AFG3L2: variants seen among roughly 807,000 people sequenced by gnomAD.
AFG3L2 encodes mitochondrial inner membrane m-AAA protease component AFG3L2.
AFG3L2 carries 54 observed loss-of-function variants against 94.5 expected under a neutral mutation model. That is an observed-to-expected ratio of 0.57 (90% CI 0.46 to 0.72). AFG3L2 has a LOEUF of 0.72. Ranked by LOEUF, AFG3L2 falls within the 30% of genes least tolerant of loss-of-function variation. The pLI, the probability that AFG3L2 is intolerant of heterozygous loss-of-function variation, is 0.00. For missense variants in AFG3L2, 754 were observed against 994.9 expected (o/e 0.76, Z 3.26); for synonymous variants, 377 against 365.5 (o/e 1.03, Z -0.36).
intron 5 of AFG3L2, 27 bp from the exon 6 acceptor site, chr18:12,363,883 A>G: frequency 4.0e-6 from 6 of 1,516,634 alleles, no homozygotes; most frequent in Admixed American, 3.3e-5. Context: ...AAATTCACAC[A>G]TAAATTCACA....
intron 6 of AFG3L2, among the ~76,000 whole-genome samples, chr18:12,363,467 T>C (rs1009476453): frequency 5.9e-5 from 9 of 152,202 alleles, no homozygotes; most frequent in Non-Finnish European, 1.5e-5. Flanking sequence ...CCTAATCAAA[T>C]AACTACTTCT....
intron 5 of AFG3L2, among the ~76,000 whole-genome samples, chr18:12,366,290 C>T (rs1361409034): frequency 6.6e-6 from 1 of 152,162 alleles, no homozygotes; most frequent in East Asian, 1.9e-4. Context: ...TTTGTCTTAG[C>T]AACTTATAAA....
At chr18:12,341,976 C>T (rs1037751809) in intron 14 of AFG3L2, 3 of 152,304 alleles carry the variant, frequency 2.0e-5, no homozygotes, top group African/African-American at 7.2e-5. Context: ...CAGTGATTCT[C>T]CTGCCTCAGT....
Position 12,351,176 on chromosome 18 carries a change from G to A in AFG3L2, c.1461C>T (p.Phe487=), listed in dbSNP as rs779230346. 3.0e-5 allele frequency: 48 copies of A among 1,613,910 alleles called. No homozygotes were observed. The highest frequency in any genetic ancestry group is 3.8e-5 in the Non-Finnish European group (45 of 1,180,002). ...PPDIKGRASI[F]KVHLRPLKLD... ...GTTTTAGCGGTCGGAGATGAACTTT[G>A]AAAATAGAAGCTCTTCCTTTTATGT... Residue 487 remains phenylalanine, a synonymous_variant, in exon 12 of 17, where the codon TTC becomes TTT. Transcript: ENST00000269143.
intron 16 of AFG3L2, among the ~76,000 whole-genome samples, chr18:12,332,994 A>ACT (rs1907601497): frequency 1.2e-4 from 14 of 114,868 alleles, no homozygotes; most frequent in Non-Finnish European, 2.2e-4. Context: ...TATATTATAT[A>ACT]AATTATATAT....
rs1204871209 is a variant in AFG3L2, at chr18:12,333,018, TTAA to T, written c.2176-3238_2176-3236del. Among the ~76,000 whole-genome samples, 390 of 79,704 alleles carry T rather than the reference TTAA, an allele frequency of 4.9e-3. 2 individuals are homozygous for T. The highest frequency in any genetic ancestry group is 0.013 in the Middle Eastern group (2 of 150). The allele number at this position is 79,704 out of a possible 152,430, so 52.3% of individuals were successfully genotyped here. A position where few individuals can be genotyped will look rare whatever the true frequency, so the allele number is the denominator to read the frequency against. On this transcript the variant is annotated intron_variant, in intron 16 of 16. Coordinates refer to ENST00000269143, the MANE Select transcript of AFG3L2 (RefSeq NM_006796.3). Reference sequence around the variant, plus strand: ...TAAATTATATATAATATAAAATATATTAATAATATATAAAAATATATAATCTAT... The same window carrying T: ...TAAATTATATATAATATAAAATATATTAATATATAAAAATATATAATCTAT...
At chr18:12,338,046 G>A (rs551828902) in intron 15 of AFG3L2, among the ~76,000 whole-genome samples, 1 of 152,006 alleles carries the variant, frequency 6.6e-6, no homozygotes, top group Admixed American at 6.6e-5. Flanking sequence ...CTGGGATTAC[G>A]GGCATGAGCC....
chr18:12,359,780 T>G (rs1414129789), intron 7 of AFG3L2, 147 bp downstream of exon 7: 9 of 1,011,008 alleles, frequency 8.9e-6, no homozygotes, highest in Non-Finnish European at 1.3e-5. Flanking sequence ...CAAAAACTAG[T>G]GAGTTACTAA....
At chr18:12,375,094 G>C (rs1909105287) in intron 1 of AFG3L2, among the ~76,000 whole-genome samples, 1 of 150,978 alleles carries the variant, frequency 6.6e-6, no homozygotes, top group South Asian at 2.1e-4. Context: ...AAAGGGATCA[G>C]AGCTTGGTAA....
At chr18:12,333,966 C>G (rs910656747) in intron 16 of AFG3L2, among the ~76,000 whole-genome samples, 1 of 152,194 alleles carries the variant, frequency 6.6e-6, no homozygotes, top group African/African-American at 2.4e-5. Context: ...AGCTTCTTCA[C>G]CTGAAACTGA....
Position 12,338,289 on chromosome 18 carries a change from T to C in AFG3L2, c.1981-754A>G, listed in dbSNP as rs529740654. ...TAGAGAAGCAGCAAGAAGCATCTGA[T>C]AGACCTGAAGAAACAAGAACCCCCA... is the stretch of plus-strand genomic sequence containing the variant. On this transcript the variant is annotated intron_variant, in intron 15 of 16. Coordinates refer to ENST00000269143, the MANE Select transcript of AFG3L2 (RefSeq NM_006796.3). Among the ~76,000 whole-genome samples, 88 of 152,250 alleles carry C rather than the reference T, an allele frequency of 5.8e-4. 1 individual carries two copies. In the South Asian group the frequency reaches 8.1e-3, roughly 14 times the overall value.
At chr18:12,353,514 C>CAAAAAAAAA (rs71172076) in intron 9 of AFG3L2, among the ~76,000 whole-genome samples, 7 of 81,050 alleles carry the variant, frequency 8.6e-5, no homozygotes, top group African/African-American at 1.9e-4. Context: ...AATTCTGTCT[C>CAAAAAAAAA]AAAAAAAAAA....
At position 12,370,836 on chromosome 18, in the gene AFG3L2, T is replaced by C; in HGVS notation, c.292+13A>G. ...AAAACACAAAATTCAAATATAATAT[T>C]GTCAAAAGGTACCTTTTTTCTCTCC... On this transcript the variant is annotated intron_variant, in intron 3 of 16. Coordinates refer to ENST00000269143, the MANE Select transcript of AFG3L2 (RefSeq NM_006796.3). 6.5e-7 allele frequency: 1 copy of C among 1,535,434 alleles called. No homozygotes were observed. Among genetic ancestry groups the C allele is most frequent in the Non-Finnish European group, 9.0e-7 (1 of 1,111,992 alleles).
rs757726488 is a variant in AFG3L2 at position 12,329,724 on chromosome 18, C to CAA, written c.2233_2234dup (p.Leu745PhefsTer97). The stretch of plus-strand genomic sequence containing the variant: ...ATTTTTCCGCAAATGGTCTGGGGCC[C>CAA]AAAAGTTCAACCATATCATTCTTAT... On this transcript the variant is annotated frameshift_variant, in exon 17 of 17. Coordinates refer to ENST00000269143, the MANE Select transcript of AFG3L2 (RefSeq NM_006796.3). LOFTEE classifies it high-confidence loss of function. 1 of 1,614,132 alleles carries CAA rather than the reference C, an allele frequency of 6.2e-7. No homozygotes were observed. The highest frequency in any genetic ancestry group is 1.1e-5 in the South Asian group (1 of 91,088).
chr18:12,348,410 C>T (rs762529281), intron 12 of AFG3L2, 27 bp from the exon 13 acceptor site: 1 of 1,591,312 alleles, frequency 6.3e-7, no homozygotes, highest in South Asian at 1.1e-5. Context: ...GAACAGCTTA[C>T]CCACCGAAAT....
In AFG3L2 at chr18:12,377,010, G is replaced by A; in HGVS notation, c.73C>T (p.Pro25Ser). Residue 25 changes from proline to serine, a missense_variant, in exon 1 of 17, where the codon CCT becomes TCT. This residue lies in a region of AFG3L2 where 236 missense variants were observed against 214.0 expected (regional missense o/e 1.10). Coordinates refer to ENST00000269143, the MANE Select transcript of AFG3L2 (RefSeq NM_006796.3). ...WPRGLQQLLV[P>S]GGVGPGEQPC... ...TGCTCGCCCGGGCCCACGCCGCCAG[G>A]CACGAGGAGCTGCTGTAGGCCGCGG... 1 of 1,461,578 alleles carries A rather than the reference G, an allele frequency of 6.8e-7. No homozygotes were observed. The highest frequency in any genetic ancestry group is 1.3e-5 in the South Asian group (1 of 76,436). 90.5% of individuals were successfully genotyped at this position (1,461,578 alleles called of 1,614,324 possible).
At chr18:12,368,049 C>A (rs1282910408) in intron 3 of AFG3L2, among the ~76,000 whole-genome samples, 1 of 152,110 alleles carries the variant, frequency 6.6e-6, no homozygotes, top group East Asian at 1.9e-4. Context: ...TGCCTGTAAT[C>A]CCAGCTACTA....
At chr18:12,375,288 A>C (rs1909114420) in intron 1 of AFG3L2, among the ~76,000 whole-genome samples, 2 of 135,228 alleles carry the variant, frequency 1.5e-5, no homozygotes, top group African/African-American at 5.8e-5. Context: ...AGAGTCCGTC[A>C]CCCACGCTGG....
chr18:12,335,085 A>C (rs1176031597), intron 16 of AFG3L2, among the ~76,000 whole-genome samples: 2 of 152,144 alleles, frequency 1.3e-5, no homozygotes, highest in African/African-American at 4.8e-5. Context: ...TTATCTCCCC[A>C]GGTGGCCTCC....
Sources: gnomAD v4.1 joint callset for allele counts (sites outside exome capture counted in the v4.1 genomes callset) on GRCh38, gnomAD v4.1.1 for gene constraint, gnomAD v4.1.1 regional missense constraint, MANE v1.5 for transcripts, NCBI Gene and HGNC (gene_info 2026-07-23, HGNC 2026-07-21) for gene names.